C1R: variants seen among roughly 807,000 people sequenced by gnomAD.
C1R encodes the protein complement C1r subcomponent.
In C1R, 15 loss-of-function variants were observed where a neutral mutation model predicts 27.6. The ratio of observed to expected loss-of-function variants is 0.54; its 90% CI spans 0.36 to 0.84. C1R has a LOEUF of 0.84. C1R is among the 40% of genes least tolerant of loss of function. The pLI, the probability that C1R is intolerant of heterozygous loss-of-function variation, is 0.01. For synonymous variants in C1R, 253 were observed against 228.8 expected (o/e 1.11, Z -0.95); for missense variants, 544 against 577.9 (o/e 0.94, Z 0.60).
At chr12:7,083,649 T>TGGTGATGGTGGTGTTGGTGTTG (rs1938108167) in intron 9 of C1R, among the ~76,000 whole-genome samples, 1 of 56 alleles carries the variant, frequency 0.018, no homozygotes, top group South Asian at 0.25. Flanking sequence ...GTGTTGGTGG[T>TGGTGATGGTGGTGTTGGTGTTG]GNNNNNNNNN....
At chr12:7,082,373 C>T (rs950416152) in intron 9 of C1R, among the ~76,000 whole-genome samples, 5 of 151,990 alleles carry the variant, frequency 3.3e-5, no homozygotes, top group Non-Finnish European at 2.9e-5. Context: ...ACTCTGTTGC[C>T]CAGGCTGGAG....
chr12:7,092,237 G>T, intron 1 of C1R, 150 bp downstream of exon 1: 1 of 707,548 alleles, frequency 1.4e-6, no homozygotes, highest in Non-Finnish European at 2.7e-6. Context: ...GGGATGGGGC[G>T]TGTGTTGTGT....
intron 9 of C1R, among the ~76,000 whole-genome samples, chr12:7,085,469 G>A (rs912507446): frequency 8.6e-5 from 13 of 151,880 alleles, no homozygotes; most frequent in African/African-American, 3.1e-4. Context: ...GGTGGTGTTG[G>A]TAATGGTAAC....
intron 7 of C1R, chr12:7,086,925 C>G (rs1402439112): frequency 5.2e-5 from 8 of 152,930 alleles, no homozygotes; most frequent in African/African-American, 1.9e-4. Flanking sequence ...GAGGCCTTCC[C>G]TAAAATACTA....
At position 7,080,381 on chromosome 12, in the gene C1R, A is replaced by G; in HGVS notation, c.*151T>C. On this transcript the variant is annotated 3_prime_UTR_variant, in exon 11 of 11. Transcript: ENST00000647956. This position sits in a 1 kb window ranked among gnomAD's most constrained non-coding sequence, Gnocchi z 4.9. ...GGGTTGTTTCAGGTAAAGTACATCA[A>G]TGGGACTACAGGAAAGAGAATTTCA... The G allele has an allele frequency of 7.2e-7, 1 of 1,387,022 alleles. No homozygotes were observed. The highest frequency in any genetic ancestry group is 9.3e-7 in the Non-Finnish European group (1 of 1,074,026). The allele number at this position is 1,387,022 out of a possible 1,614,324, so 85.9% of individuals were successfully genotyped here.
rs1258073943 is a variant in C1R, at chr12:7,080,716, A to C, written c.1934T>G (p.Leu645Arg). The change falls in exon 11 of 11, where the codon CTA becomes CGA. Residue 645 changes from leucine (L) to arginine (R), a missense_variant. This residue lies in a region of C1R where 253 missense variants were observed against 368.9 expected (regional missense o/e 0.69). Coordinates refer to ENST00000647956, the MANE Select transcript of C1R (RefSeq NM_001733.7). The surrounding 1 kb of genome is among the most constrained non-coding windows in gnomAD (Gnocchi z 4.9). ...ATCCCCCTGGCAGGCGTCCTGCTTT[A>C]GAGATGGGTGTCCAGCACAGAACAT... ...QNMFCAGHPS[L>R]KQDACQGDSG... The C allele has an allele frequency of 1.9e-6, 3 of 1,613,874 alleles. No individual in the cohort carries two copies. Among genetic ancestry groups the C allele is most frequent in the Non-Finnish European group, 2.5e-6 (3 of 1,179,898 alleles).
At chr12:7,081,473 CTTGT>C in intron 10 of C1R, among the ~76,000 whole-genome samples, 172 bp from the exon 11 acceptor site, 1 of 148,716 alleles carries the variant, frequency 6.7e-6, no homozygotes, top group Non-Finnish European at 1.5e-5. Context: ...TCTTCTTGTT[CTTGT>C]TTTTTTTTTT....
intron 10 of C1R, 72 bp from the exon 11 acceptor site, chr12:7,081,373 A>G: frequency 7.1e-7 from 1 of 1,412,130 alleles, no homozygotes; most frequent in Non-Finnish European, 9.8e-7. Context: ...GCAGCCAGCC[A>G]GCTCCCTGTT....
At position 7,088,870 on chromosome 12, in the gene C1R, G is replaced by A. The variant is rs755332326; in HGVS notation, c.885C>T (p.Ser295=). The A allele has an allele frequency of 2.6e-6, 2 of 775,834 alleles. No homozygotes were observed. The highest frequency in any genetic ancestry group is 4.8e-6 in the Non-Finnish European group (2 of 416,322). The allele number at this position is 775,834 out of a possible 1,614,324, so 48.1% of individuals were successfully genotyped here. Residue 295 remains serine (S), a synonymous_variant, in exon 6 of 11, where the codon AGC becomes AGT. Coordinates refer to ENST00000647956, the MANE Select transcript of C1R (RefSeq NM_001733.7). ...TGGTGTAGCGCAGCTTCCAGCCCCG[G>A]CTGTCCCCCGACTCATCTGTGAAGA... ...LLFFTDESGD[S]RGWKLRYTTE...
chr12:7,082,919 A>G (rs1938089603), intron 9 of C1R, among the ~76,000 whole-genome samples: 1 of 152,218 alleles, frequency 6.6e-6, no homozygotes, highest in Non-Finnish European at 1.5e-5. Flanking sequence ...ACAGGGTCAC[A>G]TAACTTCTAA....
At position 7,091,296 on chromosome 12, in the gene C1R, G is replaced by T; in HGVS notation, c.231+156C>A. The T allele has an allele frequency of 1.6e-6, 1 of 627,584 alleles. No individual in the cohort carries two copies. The highest frequency in any genetic ancestry group is 1.9e-5 in the South Asian group (1 of 51,976). The allele number at this position is 627,584 out of a possible 1,614,324, so 38.9% of individuals were successfully genotyped here. A position where few individuals can be genotyped will look rare whatever the true frequency, so the allele number is the denominator to read the frequency against. Reference sequence around the variant, plus strand: ...GCTCACCGAGGGCCTCTACACCAGTGAGCGCCCATCCAGGGCATCCCCGGG... The same window carrying T: ...GCTCACCGAGGGCCTCTACACCAGTTAGCGCCCATCCAGGGCATCCCCGGG... On this transcript the variant is annotated intron_variant, in intron 2 of 10. Transcript: ENST00000647956. The surrounding 1 kb of genome is among the most constrained non-coding windows in gnomAD (Gnocchi z 5.1).
rs748635646 is a variant in C1R, at chr12:7,089,654, G to A, written c.504C>T (p.Tyr168=). The A allele has an allele frequency of 2.7e-5, 21 of 780,778 alleles. No individual in the cohort carries two copies. The East Asian group carries it at 2.9e-4, about 11-fold the overall frequency. The allele number at this position is 780,778 out of a possible 1,614,324, so 48.4% of individuals were successfully genotyped here. The change falls in exon 4 of 11, where the codon TAC becomes TAT. Residue 168 remains tyrosine (Y), a synonymous_variant. Transcript: ENST00000647956. ...QPQCQHLCHN[Y]VGGYFCSCRP... The stretch of plus-strand genomic sequence containing the variant: ...GGCAGGAACAGAAGTAGCCTCCAAC[G>A]TAGTTGTGACACAGGTGCTGGCACT...
At position 7,081,183 on chromosome 12, in the gene C1R, C is replaced by T. The variant is rs745432880; in HGVS notation, c.1467G>A (p.Gly489=). The T allele has an allele frequency of 1.9e-6, 3 of 1,613,820 alleles. No homozygotes were observed. Among genetic ancestry groups the T allele is most frequent in the Non-Finnish European group, 2.5e-6 (3 of 1,179,782 alleles). The part of the protein sequence containing the change: ...VFTNIHGRGG[G]ALLGDRWILT... ...GGATCCAGCGGTCGCCCAGCAGGGC[C>T]CCGCCCCCGCGCCCGTGGATGTTGG... Residue 489 remains glycine, a synonymous_variant, in exon 11 of 11, where the codon GGG becomes GGA. Transcript: ENST00000647956.
At position 7,080,720 on chromosome 12, in the gene C1R, A is replaced by T. The variant is rs763216867; in HGVS notation, c.1930T>A (p.Ser644Thr). ...SQNMFCAGHP[S>T]LKQDACQGDS... ...CCCTGGCAGGCGTCCTGCTTTAGAGATGGGTGTCCAGCACAGAACATGTTT... is the reference window on the plus strand; with the variant it reads ...CCCTGGCAGGCGTCCTGCTTTAGAGTTGGGTGTCCAGCACAGAACATGTTT... Residue 644 changes from serine to threonine, a missense_variant, in exon 11 of 11, where the codon TCT becomes ACT. Ser to Thr is a moderately conservative substitution (Grantham distance 58, BLOSUM62 1). Transcript: ENST00000647956. The surrounding 1 kb of genome is among the most constrained non-coding windows in gnomAD (Gnocchi z 4.9). 2.5e-6 allele frequency: 4 copies of T among 1,613,894 alleles called. No individual in the cohort carries two copies. Among genetic ancestry groups the T allele is most frequent in the Non-Finnish European group, 3.4e-6 (4 of 1,179,892 alleles).
intron 9 of C1R, among the ~76,000 whole-genome samples, chr12:7,085,243 G>C (rs1938132226): frequency 1.3e-5 from 2 of 150,884 alleles, no homozygotes; most frequent in Non-Finnish European, 2.9e-5. Flanking sequence ...TGGTGGTGTT[G>C]GTAATGGTGG....
chr12:7,081,035 T>C lies in C1R; in HGVS notation c.1615A>G (p.Arg539Gly), dbSNP rs372284826. Residue 539 changes from arginine to glycine, a missense_variant, in exon 11 of 11, where the codon AGG becomes GGG. By Grantham distance (125) the Arg-to-Gly change is moderately radical. This residue lies in a region of C1R where 253 missense variants were observed against 368.9 expected (regional missense o/e 0.69). Transcript: ENST00000647956. Reference protein sequence around the residue: ...LMKLGNHPIRRVSVHPDYRQD... With the variant: ...LMKLGNHPIRGVSVHPDYRQD... ...CGGTAGTCCGGGTGGACGCTGACCC[T>C]GCGGATGGGGTGATTTCCTAGCTTC... The C allele has an allele frequency of 3.1e-6, 5 of 1,613,916 alleles. No homozygotes were observed. Among genetic ancestry groups the C allele is most frequent in the African/African-American group, 1.3e-5 (1 of 74,932 alleles).
Position 7,091,916 on chromosome 12 carries a change from C to G in C1R, c.3-236G>C, listed in dbSNP as rs759497257. 1.8e-4 allele frequency: 119 copies of G among 671,876 alleles called. No individual in the cohort carries two copies. Among genetic ancestry groups the G allele is most frequent in the South Asian group, 1.7e-3 (114 of 65,490 alleles). The allele number at this position is 671,876 out of a possible 1,614,324, so 41.6% of individuals were successfully genotyped here. On this transcript the variant is annotated intron_variant, in intron 1 of 10. Coordinates refer to ENST00000647956, the MANE Select transcript of C1R (RefSeq NM_001733.7). This position sits in a 1 kb window ranked among gnomAD's most constrained non-coding sequence, Gnocchi z 5.1. ...TCCAGTCCAGAGGCCACCACACTCC[C>G]CTCACACTCCCTTTCCAGCCTCCTC...
intron 7 of C1R, among the ~76,000 whole-genome samples, chr12:7,088,120 C>T (rs554699553): frequency 7.2e-5 from 11 of 152,314 alleles, no homozygotes; most frequent in East Asian, 3.9e-4. Flanking sequence ...ACAATCGCTA[C>T]GTGATGTTGA....
chr12:7,080,544 C>T lies in C1R; in HGVS notation c.2106G>A (p.Glu702=), dbSNP rs148718534. ...NYVDWIKKEM[E]EED ...GTGAATTCTGGGCTCAGTCCTCCTCCTCCATCTCTTTCTTGATCCAGTCCA... is the reference window on the plus strand; with the variant it reads ...GTGAATTCTGGGCTCAGTCCTCCTCTTCCATCTCTTTCTTGATCCAGTCCA... Residue 702 remains glutamate, a synonymous_variant, in exon 11 of 11, where the codon GAG becomes GAA. Coordinates refer to ENST00000647956, the MANE Select transcript of C1R (RefSeq NM_001733.7). The surrounding 1 kb of genome is among the most constrained non-coding windows in gnomAD (Gnocchi z 4.9). The T allele has an allele frequency of 2.0e-3, 3,126 of 1,568,948 alleles. 57 individuals carry two copies. The South Asian group carries it at 0.025, about 13-fold the overall frequency.
Sources: allele counts gnomAD v4.1 joint callset (sites outside exome capture counted in the v4.1 genomes callset), GRCh38; gene constraint gnomAD v4.1.1; regional missense constraint gnomAD v4.1.1; non-coding constraint Gnocchi (gnomAD v3.1); transcripts MANE v1.5; gene names NCBI Gene and HGNC (gene_info 2026-07-23, HGNC 2026-07-21).